Variants in ATP6V0A4 observed in about 807,000 individuals in gnomAD.
ATP6V0A4 encodes V-type proton ATPase 116 kDa subunit a 4.
Under a neutral mutation model 107.3 loss-of-function variants are expected in ATP6V0A4, and 86 were observed. The ratio of observed to expected loss-of-function variants is 0.80; its 90% CI spans 0.67 to 0.96. The LOEUF (loss-of-function observed/expected upper bound fraction) is 0.96, where lower values mean the gene tolerates loss of function less well. Among genes scored for constraint, ATP6V0A4 ranks in the 40% least tolerant of loss-of-function variants. The probability of loss-of-function intolerance (pLI) is 0.00; values close to 1 mark genes in which losing one functional copy is unlikely to be tolerated. For missense variants in ATP6V0A4, 908 were observed against 1,045.6 expected, an observed-to-expected ratio of 0.87 and a Z score of 1.81; for synonymous variants, 353 against 381.4, an observed-to-expected ratio of 0.93 and a Z score of 0.87.
chr7:138,762,820 C>T (rs1030169128), intron 6 of ATP6V0A4, 80 bp downstream of exon 6: 1 of 1,492,538 alleles, frequency 6.7e-7, no homozygotes, highest in African/African-American at 1.4e-5. Context: ...TTACTCAGAT[C>T]CCAGGCCAGC....
Position 138,734,116 on chromosome 7 carries a change from G to T in ATP6V0A4, c.1691+20C>A. 1 of 1,596,294 alleles carries T rather than the reference G, an allele frequency of 6.3e-7. No individual in the cohort carries two copies. Among genetic ancestry groups the T allele is most frequent in the South Asian group, 1.1e-5 (1 of 90,608 alleles). On this transcript the variant is annotated intron_variant, in intron 16 of 21. Transcript: ENST00000310018. The stretch of plus-strand genomic sequence containing the variant: ...AGTGTGATCAGACAGAGCAGGCAGA[G>T]AGTGCATCAAGAAACTTACATGTGA...
At chr7:138,727,376 C>G (rs1348654169) in intron 18 of ATP6V0A4, among the ~76,000 whole-genome samples, 2 of 152,228 alleles carry the variant, frequency 1.3e-5, no homozygotes, top group African/African-American at 2.4e-5. Context: ...GGTCACCTGT[C>G]TGGACAAGCA....
At chr7:138,796,657 T>C (rs1808679385) in intron 1 of ATP6V0A4, among the ~76,000 whole-genome samples, 1 of 148,660 alleles carries the variant, frequency 6.7e-6, no homozygotes, top group Non-Finnish European at 1.5e-5. Flanking sequence ...TCACTTTCTC[T>C]GTGAATCCTT....
chr7:138,721,417 T>C (rs1757709155), intron 19 of ATP6V0A4, among the ~76,000 whole-genome samples: 1 of 152,134 alleles, frequency 6.6e-6, no homozygotes, highest in Non-Finnish European at 1.5e-5. Context: ...CGGATGCCTA[T>C]AATCCCAGGT....
intron 18 of ATP6V0A4, among the ~76,000 whole-genome samples, chr7:138,724,719 T>C (rs1326486289): frequency 1.3e-5 from 2 of 152,194 alleles, no homozygotes; most frequent in African/African-American, 2.4e-5. Context: ...GAAGAAAATA[T>C]CAAAGGAGAG....
chr7:138,733,400 C>T (rs147743237), intron 16 of ATP6V0A4, among the ~76,000 whole-genome samples: 95 of 152,098 alleles, frequency 6.2e-4, no homozygotes, highest in Admixed American at 1.2e-3. Flanking sequence ...ACTACAGCTT[C>T]GCATGCAGAC....
chr7:138,795,306 A>T (rs1273652908), intron 1 of ATP6V0A4, among the ~76,000 whole-genome samples: 1 of 152,148 alleles, frequency 6.6e-6, no homozygotes, highest in African/African-American at 2.4e-5. Flanking sequence ...CATAACAATG[A>T]TAAAATAGGG....
At chr7:138,715,662 A>C (rs1803998294) in intron 20 of ATP6V0A4, 102 bp downstream of exon 20, 1 of 1,485,544 alleles carries the variant, frequency 6.7e-7, no homozygotes, top group Middle Eastern at 1.8e-4. Flanking sequence ...GCAAACATCC[A>C]CAAATAGCTC....
chr7:138,768,712 A>G, intron 5 of ATP6V0A4, 68 bp downstream of exon 5: 1 of 1,577,016 alleles, frequency 6.3e-7, no homozygotes, highest in South Asian at 1.1e-5. Context: ...AGTGGCTCTC[A>G]GGGCCTTCAA....
chr7:138,792,799 T>C (rs544738645), intron 1 of ATP6V0A4, among the ~76,000 whole-genome samples: 6 of 137,268 alleles, frequency 4.4e-5, no homozygotes, highest in Admixed American at 3.0e-4. Context: ...TTTTTTTTTG[T>C]AGCAACAGAG....
Position 138,734,116 on chromosome 7 carries a change from G to C in ATP6V0A4, c.1691+20C>G. On this transcript the variant is annotated intron_variant, in intron 16 of 21. Transcript: ENST00000310018. ...AGTGTGATCAGACAGAGCAGGCAGA[G>C]AGTGCATCAAGAAACTTACATGTGA... 6.3e-7 allele frequency: 1 copy of C among 1,596,294 alleles called. No homozygotes were observed.
chr7:138,737,472 G>T (rs1003219072), intron 15 of ATP6V0A4, among the ~76,000 whole-genome samples: 1 of 151,738 alleles, frequency 6.6e-6, no homozygotes, highest in Non-Finnish European at 1.5e-5. Context: ...TTTATCACCA[G>T]CATGAAAAGG....
At chr7:138,743,579 C>T (rs1199014378) in intron 14 of ATP6V0A4, among the ~76,000 whole-genome samples, 1 of 152,178 alleles carries the variant, frequency 6.6e-6, no homozygotes, top group East Asian at 1.9e-4. Flanking sequence ...ATGACGTTCA[C>T]CACAGATTTT....
At chr7:138,790,266 G>A (rs1295069154) in intron 1 of ATP6V0A4, among the ~76,000 whole-genome samples, 1 of 151,984 alleles carries the variant, frequency 6.6e-6, no homozygotes, top group Non-Finnish European at 1.5e-5. Context: ...GTGATTAAAT[G>A]GTACCCAAGA....
At chr7:138,792,425 TG>T (rs1385227589) in intron 1 of ATP6V0A4, among the ~76,000 whole-genome samples, 1 of 152,220 alleles carries the variant, frequency 6.6e-6, no homozygotes, top group Admixed American at 6.5e-5. Context: ...TCTATGCTCC[TG>T]GGTTGCAGAA....
intron 15 of ATP6V0A4, among the ~76,000 whole-genome samples, chr7:138,738,488 T>C (rs1287127530): frequency 6.6e-6 from 1 of 152,212 alleles, no homozygotes; most frequent in Admixed American, 6.5e-5. Context: ...ACCTGCTTAC[T>C]AAACATGAAA....
At chr7:138,785,744 C>T (rs1808150477) in intron 2 of ATP6V0A4, among the ~76,000 whole-genome samples, 1 of 150,992 alleles carries the variant, frequency 6.6e-6, no homozygotes. Context: ...CACACACACG[C>T]ACACACACAC....
chr7:138,797,026 G>A (rs1276943917), intron 1 of ATP6V0A4, among the ~76,000 whole-genome samples: 2 of 151,862 alleles, frequency 1.3e-5, no homozygotes, highest in African/African-American at 2.4e-5. Context: ...CTCTCCTCTT[G>A]CCTCCCCACC....
intron 21 of ATP6V0A4, among the ~76,000 whole-genome samples, chr7:138,707,814 A>G (rs1202695701): frequency 6.6e-6 from 1 of 150,984 alleles, no homozygotes; most frequent in Non-Finnish European, 1.5e-5. Flanking sequence ...TGGTCACAGC[A>G]TAACAACTCT....
Sources: gnomAD v4.1 joint callset for allele counts (sites outside exome capture counted in the v4.1 genomes callset) on GRCh38, gnomAD v4.1.1 for gene constraint, MANE v1.5 for transcripts, NCBI Gene and HGNC (gene_info 2026-07-23, HGNC 2026-07-21) for gene names.